Variants in ZNF475 observed in about 807,000 individuals in gnomAD.
The protein encoded by ZNF475 is zinc finger protein 475.
At chr5:122,174,725 C>G in the ZNF475 span, among the ~76,000 whole-genome samples, 1 of 152,166 alleles carries the variant, frequency 6.6e-6, no homozygotes, top group East Asian at 1.9e-4. Context: ...TCATTTATGA[C>G]CCATGCTATT....
At chr5:122,182,429 C>A in the ZNF475 span, 19 of 1,306,842 alleles carry the variant, frequency 1.5e-5, no homozygotes, top group Admixed American at 3.0e-5. Context: ...TTTTTCTTTC[C>A]CTTTTGTTTT....
the ZNF475 span, among the ~76,000 whole-genome samples, chr5:122,172,466 T>C: frequency 6.6e-6 from 1 of 152,298 alleles, no homozygotes; most frequent in Non-Finnish European, 1.5e-5. Context: ...AATAGCTCAC[T>C]TCCTGGGGCT....
At chr5:122,173,274 AGG>A in the ZNF475 span, among the ~76,000 whole-genome samples, 5 of 152,176 alleles carry the variant, frequency 3.3e-5, no homozygotes, top group Non-Finnish European at 7.4e-5. Flanking sequence ...GCTATCAGAG[AGG>A]TCATCTAGAG....
At chr5:122,168,512 C>T in the ZNF475 span, among the ~76,000 whole-genome samples, 4 of 152,068 alleles carry the variant, frequency 2.6e-5, no homozygotes, top group Non-Finnish European at 5.9e-5. Flanking sequence ...AGATTGAGAC[C>T]ATCCCCTGGC....
At chr5:122,160,258 C>G in the ZNF475 span, 13 of 1,289,836 alleles carry the variant, frequency 1.0e-5, no homozygotes, top group Admixed American at 2.3e-5. Context: ...GACCACAACA[C>G]TAAGGTAACA....
chr5:122,174,866 A>G, the ZNF475 span, among the ~76,000 whole-genome samples: 351 of 152,336 alleles, frequency 2.3e-3, 1 homozygote, highest in Middle Eastern at 0.014. Context: ...CATTTAATTA[A>G]CCTTTCCAGT....
chr5:122,166,654 C>A, the ZNF475 span, among the ~76,000 whole-genome samples: 1 of 152,192 alleles, frequency 6.6e-6, no homozygotes, highest in South Asian at 2.1e-4. Flanking sequence ...CATGTCCCTA[C>A]AAAGGATATG....
At chr5:122,181,198 G>C in the ZNF475 span, among the ~76,000 whole-genome samples, 2 of 151,988 alleles carry the variant, frequency 1.3e-5, no homozygotes, top group Non-Finnish European at 2.9e-5. Context: ...TCCTCTCTAG[G>C]TAAAAAGAAT....
At chr5:122,181,250 G>T in the ZNF475 span, among the ~76,000 whole-genome samples, 1 of 152,150 alleles carries the variant, frequency 6.6e-6, no homozygotes, top group Non-Finnish European at 1.5e-5. Context: ...TGTAGTCACA[G>T]GGTTCAAATA....
the ZNF475 span, among the ~76,000 whole-genome samples, chr5:122,180,313 C>T: frequency 1.3e-5 from 2 of 152,228 alleles, no homozygotes; most frequent in Admixed American, 6.5e-5. Context: ...TTCCAGCTGG[C>T]GTTATCATTA....
At chr5:122,179,815 T>G in the ZNF475 span, 4 of 1,066,184 alleles carry the variant, frequency 3.8e-6, no homozygotes, top group Non-Finnish European at 5.0e-6. Context: ...CTTTTTTCAC[T>G]TGTTCAAACG....
At chr5:122,165,379 C>A in the ZNF475 span, among the ~76,000 whole-genome samples, 1 of 152,152 alleles carries the variant, frequency 6.6e-6, no homozygotes, top group African/African-American at 2.4e-5. Context: ...ATCTGAGAGA[C>A]AAAGTACACA....
chr5:122,160,796 C>G, the ZNF475 span, among the ~76,000 whole-genome samples: 1 of 152,038 alleles, frequency 6.6e-6, no homozygotes, highest in Admixed American at 6.6e-5. Context: ...AGCCTTTTTC[C>G]CCCATCACTT....
At chr5:122,164,622 C>CT in the ZNF475 span, among the ~76,000 whole-genome samples, 3 of 152,270 alleles carry the variant, frequency 2.0e-5, no homozygotes, top group African/African-American at 7.2e-5. Context: ...TTTGGATCAC[C>CT]TGTGGGAGTC....
At chr5:122,180,202 A>G in the ZNF475 span, 1 of 152,614 alleles carries the variant, frequency 6.6e-6, no homozygotes, top group Non-Finnish European at 1.5e-5. Flanking sequence ...TCAGGTTATA[A>G]CATTGAGTAA....
chr5:122,167,201 C>A, the ZNF475 span, among the ~76,000 whole-genome samples: 6 of 152,158 alleles, frequency 3.9e-5, no homozygotes, highest in Non-Finnish European at 8.8e-5. Flanking sequence ...CACGTGGGTG[C>A]AGAGGAAGAG....
the ZNF475 span, among the ~76,000 whole-genome samples, chr5:122,181,212 T>A: frequency 6.6e-6 from 1 of 152,178 alleles, no homozygotes; most frequent in Non-Finnish European, 1.5e-5. Context: ...AAAGAATTCA[T>A]ATTACCATTT....
At chr5:122,177,078 GAACA>G in the ZNF475 span, among the ~76,000 whole-genome samples, 11 of 152,126 alleles carry the variant, frequency 7.2e-5, no homozygotes, top group African/African-American at 2.7e-4. Context: ...ACAGGGAAGA[GAACA>G]AAGCCTAGAT....
the ZNF475 span, chr5:122,179,988 A>G: frequency 3.7e-6 from 1 of 268,530 alleles, no homozygotes; most frequent in Non-Finnish European, 6.9e-6. Context: ...GTATTCTCCA[A>G]AAGTTTCTTT....
Sources: allele counts gnomAD v4.1 joint callset (sites outside exome capture counted in the v4.1 genomes callset), GRCh38; gene constraint gnomAD v4.1.1; transcripts MANE v1.5; gene names NCBI Gene and HGNC (gene_info 2026-07-23, HGNC 2026-07-21).